The following FREM1 variants were observed in gnomAD, a reference collection of about 807,000 sequenced individuals.
FREM1 encodes FRAS1-related extracellular matrix protein 1.
Under a neutral mutation model 210.1 loss-of-function variants are expected in FREM1, and 220 were observed. The ratio of observed to expected loss-of-function variants is 1.05; its 90% CI spans 0.94 to 1.17. The LOEUF (loss-of-function observed/expected upper bound fraction) is 1.17. Among genes scored for constraint, FREM1 ranks in the 50% most tolerant of loss-of-function variants. The pLI is 0.00. For missense variants in FREM1, 3,454 were observed against 2,675.5 expected (o/e 1.29, Z -6.42); for synonymous variants, 1,189 against 980.2 (o/e 1.21, Z -3.98).
chr9:14,895,911 T>G lies in FREM1; in HGVS notation c.-268+14003A>C, dbSNP rs1244820528. Among the ~76,000 whole-genome samples, 3 of 152,086 alleles carry G rather than the reference T, an allele frequency of 2.0e-5. No homozygotes were observed. In the East Asian group the frequency reaches 5.8e-4, roughly 29 times the overall value. On this transcript the variant is annotated intron_variant, in intron 1 of 36. Transcript: ENST00000380880. The stretch of plus-strand genomic sequence containing the variant: ...ACTCTTAAGATTAAGGATTCTCTTA[T>G]AAAAGGGAGGGGGGAAATGTCAGAG...
intron 1 of FREM1, among the ~76,000 whole-genome samples, chr9:14,892,194 G>A (rs892198242): frequency 2.0e-5 from 3 of 152,058 alleles, no homozygotes; most frequent in African/African-American, 4.8e-5. Context: ...AAAACCCCCC[G>A]ACCCAAAGGC....
At chr9:14,855,758 C>A (rs1828619217) in intron 5 of FREM1, among the ~76,000 whole-genome samples, 1 of 149,670 alleles carries the variant, frequency 6.7e-6, no homozygotes, top group African/African-American at 2.5e-5. Context: ...ATAAACAAAG[C>A]AAGAAGGTAA....
chr9:14,846,617 C>A (rs1053117637), intron 7 of FREM1, among the ~76,000 whole-genome samples: 3 of 152,120 alleles, frequency 2.0e-5, no homozygotes, highest in Non-Finnish European at 4.4e-5. Flanking sequence ...CTCATGAAAC[C>A]ATCTGAATAT....
intron 22 of FREM1, 105 bp from the exon 23 acceptor site, chr9:14,789,219 T>G: frequency 1.5e-6 from 1 of 661,692 alleles, no homozygotes; most frequent in Non-Finnish European, 2.3e-6. Flanking sequence ...ATATAAATAA[T>G]ATTTCAGGGA....
intron 10 of FREM1, among the ~76,000 whole-genome samples, chr9:14,835,176 G>A (rs985142077): frequency 3.3e-5 from 5 of 152,194 alleles, no homozygotes; most frequent in African/African-American, 4.8e-5. Flanking sequence ...CTTTCGCTTG[G>A]AATATTGCTG....
Position 14,748,491 on chromosome 9 carries a change from C to T in FREM1, c.5706G>A (p.Gln1902=). 1 of 1,613,806 alleles carries T rather than the reference C, an allele frequency of 6.2e-7. No homozygotes were observed. The highest frequency in any genetic ancestry group is 1.1e-5 in the South Asian group (1 of 91,076). Residue 1902 remains glutamine, a synonymous_variant, in exon 31 of 37, where the codon CAG becomes CAA. Transcript: ENST00000380880. ...LERRPLPSSM[Q]LAVIRGDTLR... ...GGGTGTCTCCCCTGATGACTGCTAG[C>T]TGCATGGAAGATGGAAGAGGTCTTC...
chr9:14,873,509 G>T (rs1412705635), intron 1 of FREM1, among the ~76,000 whole-genome samples: 1 of 152,004 alleles, frequency 6.6e-6, no homozygotes, highest in African/African-American at 2.4e-5. Flanking sequence ...TGGGATCGGT[G>T]GTGATATCCA....
chr9:14,747,260 A>T lies in FREM1; in HGVS notation c.6009+4T>A, dbSNP rs777744025. 1.2e-6 allele frequency: 2 copies of T among 1,608,344 alleles called. No homozygotes were observed. Among genetic ancestry groups the T allele is most frequent in the African/African-American group, 2.7e-5 (2 of 74,574 alleles). On this transcript the variant is annotated splice_donor_region_variant and intron_variant, in intron 33 of 36. Transcript: ENST00000380880. ...TGAGTAAGAAGGAACAAAGATTTTC[A>T]TACCTGTCTGGGGAAGTGTGAGTCA... is the stretch of plus-strand genomic sequence containing the variant.
At chr9:14,873,509 G>A (rs1412705635) in intron 1 of FREM1, among the ~76,000 whole-genome samples, 1 of 152,006 alleles carries the variant, frequency 6.6e-6, no homozygotes, top group Non-Finnish European at 1.5e-5. Flanking sequence ...TGGGATCGGT[G>A]GTGATATCCA....
At chr9:14,886,144 T>C (rs1835764563) in intron 1 of FREM1, among the ~76,000 whole-genome samples, 1 of 152,140 alleles carries the variant, frequency 6.6e-6, no homozygotes, top group Non-Finnish European at 1.5e-5. Context: ...CCCAGCACTT[T>C]GGGAGACCAA....
chr9:14,839,999 A>G (rs921277197), intron 10 of FREM1, among the ~76,000 whole-genome samples: 2 of 152,236 alleles, frequency 1.3e-5, no homozygotes, highest in Admixed American at 6.5e-5. Flanking sequence ...CAAAGAGCAG[A>G]TGAACTGAGT....
intron 9 of FREM1, 105 bp downstream of exon 9, chr9:14,842,211 T>C: frequency 5.6e-6 from 4 of 709,076 alleles, no homozygotes; most frequent in Non-Finnish European, 7.3e-6. Flanking sequence ...ATGTTCACCT[T>C]AGGACAAACT....
Position 14,858,682 on chromosome 9 carries a change from T to C in FREM1, c.631+501A>G, listed in dbSNP as rs116442844. 3.4e-3 allele frequency among the ~76,000 whole-genome samples: 520 copies of C among 152,290 alleles called. 6 individuals are homozygous for C. Among genetic ancestry groups the C allele is most frequent in the African/African-American group, 0.012 (494 of 41,562 alleles). ...ACAGGAGGTGCCCAAAATAGGTTGA[T>C]TGAGTGAATAGCAGAAGGAATGTTA... On this transcript the variant is annotated intron_variant, in intron 4 of 36. Coordinates refer to ENST00000380880, the MANE Select transcript of FREM1 (RefSeq NM_001379081.2).
intron 24 of FREM1, among the ~76,000 whole-genome samples, chr9:14,776,529 T>A (rs1410569653): frequency 2.0e-5 from 3 of 152,200 alleles, no homozygotes; most frequent in Admixed American, 6.5e-5. Context: ...AAATTTCACA[T>A]CCAATGAGAC....
intron 1 of FREM1, among the ~76,000 whole-genome samples, chr9:14,877,284 G>C: frequency 6.6e-6 from 1 of 151,604 alleles, no homozygotes; most frequent in Non-Finnish European, 1.5e-5. Flanking sequence ...ATCATCTCTG[G>C]GTGGTGTATA....
intron 10 of FREM1, among the ~76,000 whole-genome samples, chr9:14,838,024 T>C (rs2131124874): frequency 6.6e-6 from 1 of 152,276 alleles, no homozygotes; most frequent in East Asian, 1.9e-4. Context: ...CCCAAAGGGG[T>C]TAAATGATTT....
intron 6 of FREM1, among the ~76,000 whole-genome samples, chr9:14,850,205 TC>T (rs1174840619): frequency 6.6e-6 from 1 of 152,102 alleles, no homozygotes; most frequent in African/African-American, 2.4e-5. Flanking sequence ...TGTCCTCCCC[TC>T]CCACTAACTA....
Position 14,823,179 on chromosome 9 carries a change from A to G in FREM1, c.2318T>C (p.Val773Ala). Residue 773 changes from valine (V) to alanine (A), a missense_variant, in exon 13 of 37, where the codon GTG (valine) becomes GCG (alanine). Val to Ala is a moderately conservative substitution (Grantham distance 64). Coordinates refer to ENST00000380880, the MANE Select transcript of FREM1 (RefSeq NM_001379081.2). ...GICFNITILPVDNQVPEAFTN... is the reference protein window; with the variant it reads ...GICFNITILPADNQVPEAFTN... ...ACATACCTCAGGAACTTGATTGTCC[A>G]CTGGGAGGATTGTAATGTTAAAGCA... The G allele has an allele frequency of 1.9e-6, 3 of 1,613,776 alleles. No homozygotes were observed. Among genetic ancestry groups the G allele is most frequent in the Non-Finnish European group, 2.5e-6 (3 of 1,179,750 alleles).
intron 36 of FREM1, among the ~76,000 whole-genome samples, chr9:14,739,495 A>C (rs1003052949): frequency 6.2e-5 from 9 of 145,244 alleles, no homozygotes; most frequent in African/African-American, 2.3e-4. Context: ...ATATATATTC[A>C]TATATATATG....
Sources: allele counts gnomAD v4.1 joint callset (sites outside exome capture counted in the v4.1 genomes callset), GRCh38; gene constraint gnomAD v4.1.1; transcripts MANE v1.5; gene names NCBI Gene and HGNC (gene_info 2026-07-23, HGNC 2026-07-21).